The following SND1 variants were observed in gnomAD, a reference collection of about 807,000 sequenced individuals.
SND1 encodes staphylococcal nuclease and tudor domain containing 1.
SND1 carries 38 observed loss-of-function variants against 121.7 expected under a neutral mutation model. The observed-to-expected ratio is 0.31, with a 90% CI of 0.24 to 0.41. The LOEUF (loss-of-function observed/expected upper bound fraction) is 0.41, where lower values mean the gene tolerates loss of function less well. Among genes scored for constraint, SND1 ranks in the 10% least tolerant of loss-of-function variants. The pLI, the probability that SND1 is intolerant of heterozygous loss-of-function variation, is 1.00. For synonymous variants in SND1, 401 were observed against 447.4 expected, an observed-to-expected ratio of 0.90 and a Z score of 1.31; for missense variants, 868 against 1,184.6, an observed-to-expected ratio of 0.73 and a Z score of 3.92.
intron 10 of SND1, among the ~76,000 whole-genome samples, chr7:127,737,602 G>A (rs1279470483): frequency 6.6e-6 from 1 of 152,062 alleles, no homozygotes; most frequent in Admixed American, 6.5e-5. Context: ...ATGTATAGGG[G>A]GGTTATGGCT....
At chr7:127,809,776 G>A in intron 11 of SND1, among the ~76,000 whole-genome samples, 1 of 152,180 alleles carries the variant, frequency 6.6e-6, no homozygotes, top group Non-Finnish European at 1.5e-5. Context: ...TTGCTAGAAT[G>A]CAGAGAAATA....
intron 10 of SND1, among the ~76,000 whole-genome samples, chr7:127,724,218 A>G (rs1377036125): frequency 6.6e-6 from 1 of 152,270 alleles, no homozygotes; most frequent in Non-Finnish European, 1.5e-5. Flanking sequence ...ATTTACGTTA[A>G]GTGCTATGAA....
intron 16 of SND1, among the ~76,000 whole-genome samples, chr7:127,994,567 A>C (rs1291456612): frequency 2.7e-5 from 4 of 148,870 alleles, no homozygotes; most frequent in African/African-American, 9.8e-5. Flanking sequence ...AAAAAAAAAA[A>C]AAAAAAAAAA....
At chr7:127,858,363 C>A in intron 12 of SND1, 1 of 1,355,168 alleles carries the variant, frequency 7.4e-7, no homozygotes. Context: ...AGTGCCCTAG[C>A]CACTGTCTCT....
chr7:128,014,156 G>C (rs1234136336), intron 16 of SND1, among the ~76,000 whole-genome samples: 1 of 152,136 alleles, frequency 6.6e-6, no homozygotes, highest in Non-Finnish European at 1.5e-5. Flanking sequence ...GAAACTTCAG[G>C]AACAGTCACT....
chr7:127,692,288 C>T (rs1227363454), intron 2 of SND1, among the ~76,000 whole-genome samples: 1 of 152,188 alleles, frequency 6.6e-6, no homozygotes, highest in Non-Finnish European at 1.5e-5. Context: ...AGCAGGCCGC[C>T]AGATTGCCTG....
At chr7:127,966,181 A>G (rs533254171) in intron 15 of SND1, among the ~76,000 whole-genome samples, 6 of 151,718 alleles carry the variant, frequency 4.0e-5, no homozygotes, top group South Asian at 2.1e-4. Flanking sequence ...CGGTCTATCA[A>G]TTTTGTTGAT....
At chr7:127,954,325 A>G (rs1284647891) in intron 15 of SND1, among the ~76,000 whole-genome samples, 2 of 152,144 alleles carry the variant, frequency 1.3e-5, no homozygotes, top group South Asian at 2.1e-4. Context: ...ACTCCCCCCA[A>G]AATGCAGTCT....
At chr7:127,989,815 G>A (rs1208927930) in intron 15 of SND1, among the ~76,000 whole-genome samples, 1 of 152,154 alleles carries the variant, frequency 6.6e-6, no homozygotes, top group Non-Finnish European at 1.5e-5. Flanking sequence ...GCTACAGTGT[G>A]AATTTTTTTG....
chr7:127,791,780 A>T (rs1247112553), intron 10 of SND1, among the ~76,000 whole-genome samples: 1 of 152,220 alleles, frequency 6.6e-6, no homozygotes. Context: ...TAGAAAAATG[A>T]CATTTTGCTG....
chr7:127,982,040 A>G (rs1802273956), intron 15 of SND1, among the ~76,000 whole-genome samples: 1 of 152,246 alleles, frequency 6.6e-6, no homozygotes, highest in African/African-American at 2.4e-5. Flanking sequence ...CCGGGGATGT[A>G]GAGAGAAGTG....
chr7:128,084,669 TGAGCCGTC>T (rs1793658995), intron 18 of SND1, 47 bp from the exon 19 acceptor site: 4 of 1,533,546 alleles, frequency 2.6e-6, no homozygotes, highest in Non-Finnish European at 1.8e-6. Context: ...AAAACCCTGC[TGAGCCGTC>T]GAGGAACCCA....
chr7:127,701,780 A>G (rs1796109075), intron 5 of SND1, among the ~76,000 whole-genome samples: 1 of 152,146 alleles, frequency 6.6e-6, no homozygotes, highest in African/African-American at 2.4e-5. Context: ...ATGGTGCAGT[A>G]TTTGCCTATA....
At chr7:127,947,333 T>C (rs114228668) in intron 15 of SND1, among the ~76,000 whole-genome samples, 2,357 of 152,316 alleles carry the variant, frequency 0.015, 63 homozygotes, top group African/African-American at 0.053. Flanking sequence ...TGTCTGAGTT[T>C]TTCATGCTGC....
chr7:127,891,629 C>T (rs892305169), intron 13 of SND1, among the ~76,000 whole-genome samples: 5 of 152,078 alleles, frequency 3.3e-5, no homozygotes, highest in African/African-American at 1.2e-4. Context: ...TGCATTTTCT[C>T]TACCTCCCAG....
chr7:127,893,894 AGCACTCCAGCCTT>A (rs1800064195), intron 13 of SND1, among the ~76,000 whole-genome samples: 1 of 152,016 alleles, frequency 6.6e-6, no homozygotes, highest in African/African-American at 2.4e-5. Flanking sequence ...ACAAAAAACT[AGCACTCCAGCCTT>A]GCTGTGTTCT....
chr7:127,820,567 T>A (rs1798530056), intron 11 of SND1, among the ~76,000 whole-genome samples: 1 of 152,220 alleles, frequency 6.6e-6, no homozygotes, highest in African/African-American at 2.4e-5. Flanking sequence ...TCTAGATAGA[T>A]TTATGATGTC....
intron 16 of SND1, among the ~76,000 whole-genome samples, chr7:128,011,204 A>T (rs1803109545): frequency 2.0e-5 from 3 of 152,180 alleles, no homozygotes; most frequent in Middle Eastern, 3.4e-3. Flanking sequence ...CCACAGAGAC[A>T]GTGTGTACAG....
chr7:127,679,759 A>C (rs997253724), intron 1 of SND1, among the ~76,000 whole-genome samples: 2 of 152,244 alleles, frequency 1.3e-5, no homozygotes, highest in African/African-American at 4.8e-5. Flanking sequence ...AACATCAATC[A>C]GTACGCAATC....
Sources: allele counts gnomAD v4.1 joint callset (sites outside exome capture counted in the v4.1 genomes callset), GRCh38; gene constraint gnomAD v4.1.1; transcripts MANE v1.5; gene names NCBI Gene and HGNC (gene_info 2026-07-23, HGNC 2026-07-21).